Variants in TMEM266 observed in about 807,000 individuals in gnomAD.
TMEM266 encodes transmembrane protein 266, also known as Hv1 related protein 1.
A neutral mutation model predicts 50.5 loss-of-function variants in TMEM266; 33 were observed. That is an observed-to-expected ratio of 0.65 (90% CI 0.50 to 0.87). TMEM266 has a LOEUF of 0.87. TMEM266 is among the 40% of genes least tolerant of loss of function. The pLI is 0.00. For synonymous variants in TMEM266, 310 were observed against 292.3 expected, an observed-to-expected ratio of 1.06 and a Z score of -0.62; for missense variants, 655 against 695.1, an observed-to-expected ratio of 0.94 and a Z score of 0.65.
chr15:76,122,025 C>G (rs148555241), intron 1 of TMEM266, among the ~76,000 whole-genome samples: 50 of 152,310 alleles, frequency 3.3e-4, no homozygotes, highest in Admixed American at 1.3e-4. Context: ...AACCAAAAAG[C>G]CCTTTATTTA....
intron 1 of TMEM266, among the ~76,000 whole-genome samples, chr15:76,099,963 T>G (rs954842740): frequency 4.6e-5 from 7 of 151,794 alleles, no homozygotes; most frequent in African/African-American, 1.7e-4. Flanking sequence ...CCACACAAAT[T>G]TAAACCGTTA....
chr15:76,186,792 ACCACCACTC>A (rs1227272677), intron 8 of TMEM266, among the ~76,000 whole-genome samples: 8 of 152,178 alleles, frequency 5.3e-5, no homozygotes, highest in African/African-American at 1.7e-4. Context: ...ATCACTGTGT[ACCACCACTC>A]CCACCACTCC....
chr15:76,072,147 G>A (rs1286428040), intron 1 of TMEM266, among the ~76,000 whole-genome samples: 1 of 152,068 alleles, frequency 6.6e-6, no homozygotes, highest in Non-Finnish European at 1.5e-5. Flanking sequence ...TTGAAAAGAA[G>A]CACTGGACCG....
At chr15:76,093,806 T>C (rs565432811) in intron 1 of TMEM266, among the ~76,000 whole-genome samples, 71 of 152,204 alleles carry the variant, frequency 4.7e-4, no homozygotes, top group African/African-American at 1.7e-3. Flanking sequence ...TGATCGCCAT[T>C]TTAACTGGTG....
At chr15:76,133,962 G>C (rs1003877351) in intron 1 of TMEM266, among the ~76,000 whole-genome samples, 1 of 152,088 alleles carries the variant, frequency 6.6e-6, no homozygotes, top group African/African-American at 2.4e-5. Context: ...AAGTCATTTT[G>C]TCACTCTGGC....
At chr15:76,094,805 G>C (rs1341630696) in intron 1 of TMEM266, among the ~76,000 whole-genome samples, 3 of 151,976 alleles carry the variant, frequency 2.0e-5, no homozygotes, top group Admixed American at 2.0e-4. Flanking sequence ...GCAGTGGTTT[G>C]TAGTTCTCCT....
intron 9 of TMEM266, among the ~76,000 whole-genome samples, chr15:76,200,839 C>T (rs1277675368): frequency 6.6e-6 from 1 of 152,206 alleles, no homozygotes; most frequent in African/African-American, 2.4e-5. Context: ...CTCCCTCAAC[C>T]CCAGCGTTAG....
At chr15:76,159,028 G>A (rs1230472917) in intron 4 of TMEM266, among the ~76,000 whole-genome samples, 1 of 152,208 alleles carries the variant, frequency 6.6e-6, no homozygotes, top group Non-Finnish European at 1.5e-5. Flanking sequence ...CCCTGGGGGG[G>A]GTTCTGAGCA....
chr15:76,093,123 AT>A (rs1336970177), intron 1 of TMEM266, among the ~76,000 whole-genome samples: 2 of 151,068 alleles, frequency 1.3e-5, no homozygotes, highest in Non-Finnish European at 3.0e-5. Context: ...ATTTTTATTT[AT>A]TTATTTATTT....
intron 9 of TMEM266, among the ~76,000 whole-genome samples, chr15:76,195,777 G>A (rs533651947): frequency 2.0e-5 from 3 of 152,226 alleles, no homozygotes; most frequent in Non-Finnish European, 2.9e-5. Flanking sequence ...CACAGCCCTT[G>A]TTGTCCCTCA....
chr15:76,100,897 C>T (rs1377183038), intron 1 of TMEM266, among the ~76,000 whole-genome samples: 1 of 152,076 alleles, frequency 6.6e-6, no homozygotes, highest in African/African-American at 2.4e-5. Flanking sequence ...ACTTGAAAGA[C>T]CACAACTAAA....
chr15:76,162,501 A>G (rs2038033872), intron 5 of TMEM266, among the ~76,000 whole-genome samples: 1 of 152,202 alleles, frequency 6.6e-6, no homozygotes, highest in Non-Finnish European at 1.5e-5. Context: ...TGGGATGCCC[A>G]GTAGGAAGGG....
At chr15:76,147,634 G>GGCATC (rs2037775792) in intron 3 of TMEM266, among the ~76,000 whole-genome samples, 1 of 152,204 alleles carries the variant, frequency 6.6e-6, no homozygotes, top group Admixed American at 6.5e-5. Context: ...CCCAACAACG[G>GGCATC]AATAAAAGTT....
At chr15:76,070,491 T>G (rs1488552469) in intron 1 of TMEM266, among the ~76,000 whole-genome samples, 1 of 152,174 alleles carries the variant, frequency 6.6e-6, no homozygotes, top group Non-Finnish European at 1.5e-5. Flanking sequence ...GAGCCAAGCA[T>G]GTTTATGACA....
At chr15:76,104,952 G>T (rs2142006261) in intron 1 of TMEM266, among the ~76,000 whole-genome samples, 1 of 152,202 alleles carries the variant, frequency 6.6e-6, no homozygotes, top group East Asian at 1.9e-4. Context: ...AGGCACGGTG[G>T]CTCACACCTG....
intron 8 of TMEM266, among the ~76,000 whole-genome samples, chr15:76,179,769 A>G (rs939162115): frequency 3.3e-5 from 5 of 152,106 alleles, no homozygotes; most frequent in Admixed American, 1.3e-4. Flanking sequence ...ACATTTACCA[A>G]TGAAATGTGT....
At chr15:76,120,957 G>A (rs1478525994) in intron 1 of TMEM266, among the ~76,000 whole-genome samples, 1 of 152,086 alleles carries the variant, frequency 6.6e-6, no homozygotes, top group Non-Finnish European at 1.5e-5. Flanking sequence ...ATATATGCAT[G>A]TGTGTATATA....
At chr15:76,126,951 G>A (rs541286647) in intron 1 of TMEM266, among the ~76,000 whole-genome samples, 1 of 152,210 alleles carries the variant, frequency 6.6e-6, no homozygotes, top group East Asian at 1.9e-4. Flanking sequence ...TGGTCAAAGG[G>A]TATAAATCTT....
At chr15:76,100,566 T>G (rs536026563) in intron 1 of TMEM266, among the ~76,000 whole-genome samples, 2 of 152,340 alleles carry the variant, frequency 1.3e-5, no homozygotes, top group Non-Finnish European at 2.9e-5. Flanking sequence ...TGCCATGCCC[T>G]GCCTATCGTA....
Sources: gnomAD v4.1 joint callset for allele counts (sites outside exome capture counted in the v4.1 genomes callset) on GRCh38, gnomAD v4.1.1 for gene constraint, MANE v1.5 for transcripts, NCBI Gene and HGNC (gene_info 2026-07-23, HGNC 2026-07-21) for gene names.